Variants in CYB561D1 observed in about 807,000 individuals in gnomAD.
CYB561D1 encodes the protein cytochrome b561 family member D1.
A neutral mutation model predicts 19.2 loss-of-function variants in CYB561D1; 15 were observed. The ratio of observed to expected loss-of-function variants is 0.78; its 90% confidence interval spans 0.52 to 1.20. The LOEUF (loss-of-function observed/expected upper bound fraction) is 1.20, where lower values mean the gene tolerates loss of function less well. CYB561D1 is among the 50% of genes most tolerant of loss of function. CYB561D1 has a pLI of 0.00. For synonymous variants in CYB561D1, 133 were observed against 120.6 expected (o/e 1.10, Z -0.68); for missense variants, 297 against 287.3 (o/e 1.03, Z -0.24).
rs1271282150 is a variant in CYB561D1 at position 109,499,621 on chromosome 1, G to GTGAT, written c.*3364_*3367dup. ...GCCCGCCTCGGCCTCCCAAAGTGCT[G>GTGAT]TGATTACAGGCGTGAGCCACCGTGC... On this transcript the variant is annotated 3_prime_UTR_variant, in exon 3 of 3. Transcript: ENST00000420578. 1 of 152,306 alleles carries GTGAT rather than the reference G, an allele frequency of 6.6e-6. No homozygotes were observed. Among genetic ancestry groups the GTGAT allele is most frequent in the Non-Finnish European group, 1.5e-5 (1 of 68,124 alleles). 9.4% of individuals were successfully genotyped at this position (152,306 alleles called of 1,614,324 possible). A position where few individuals can be genotyped will look rare whatever the true frequency, so the allele number is the denominator to read the frequency against.
chr1:109,494,857 CA>C (rs1235146464), intron 1 of CYB561D1, among the ~76,000 whole-genome samples: 1 of 136,484 alleles, frequency 7.3e-6, no homozygotes, highest in Admixed American at 6.8e-5. Flanking sequence ...CAAAAAACAA[CA>C]ACCAAAAAAA....
chr1:109,494,863 AAAAAAAC>A (rs1171431351), intron 1 of CYB561D1, among the ~76,000 whole-genome samples: 3 of 127,826 alleles, frequency 2.3e-5, no homozygotes, highest in African/African-American at 7.8e-5. Flanking sequence ...ACAACAACCA[AAAAAAAC>A]AAAAAACAAA....
intron 2 of CYB561D1, 55 bp from the exon 3 acceptor site, chr1:109,495,701 T>G: frequency 1.2e-6 from 2 of 1,613,988 alleles, no homozygotes; most frequent in Non-Finnish European, 1.7e-6. Flanking sequence ...CACCTCCTTT[T>G]TCTCAGGCCT....
chr1:109,495,082 C>T (rs2101048960), intron 1 of CYB561D1, 61 bp from the exon 2 acceptor site: 2 of 1,581,388 alleles, frequency 1.3e-6, no homozygotes, highest in Admixed American at 1.7e-5. Context: ...TTGGGTTCCA[C>T]CTAGCTACAG....
chr1:109,499,840 G>A lies in CYB561D1; in HGVS notation c.*3581G>A, dbSNP rs1217151905. 6.6e-6 allele frequency: 1 copy of A among 152,248 alleles called. No individual in the cohort carries two copies. Among genetic ancestry groups the A allele is most frequent in the African/African-American group, 2.4e-5 (1 of 41,438 alleles). The allele number at this position is 152,248 out of a possible 1,614,324, so 9.4% of individuals were successfully genotyped here. ...GCCCTCACCTTCCCCCTCCTTCCTG[G>A]GCTGCAGAGTGTAACAGAATGGGAA... On this transcript the variant is annotated 3_prime_UTR_variant, in exon 3 of 3. Coordinates refer to ENST00000420578, the MANE Select transcript of CYB561D1 (RefSeq NM_182580.3).
chr1:109,494,728 T>C (rs1396900868), intron 1 of CYB561D1: 2 of 530,508 alleles, frequency 3.8e-6, no homozygotes, highest in East Asian at 1.4e-4. Flanking sequence ...TTCCAGCTAC[T>C]TGGGAGGCTG....
rs552922482 is a variant in CYB561D1, at chr1:109,494,301, G to T, written c.148+14G>T. On this transcript the variant is annotated intron_variant, in intron 1 of 2. Coordinates refer to ENST00000420578, the MANE Select transcript of CYB561D1 (RefSeq NM_182580.3). ...GGCCAGGAACCAGTGAGTGTGCGGG[G>T]CGGGGTTGCGGAAGGGGGCGGAGTG... is the stretch of plus-strand genomic sequence containing the variant. 6.4e-7 allele frequency: 1 copy of T among 1,570,468 alleles called. No individual in the cohort carries two copies. The highest frequency in any genetic ancestry group is 8.6e-7 in the Non-Finnish European group (1 of 1,156,190).
chr1:109,499,993 G>A lies in CYB561D1; in HGVS notation c.*3734G>A, dbSNP rs1381225004. On this transcript the variant is annotated 3_prime_UTR_variant, in exon 3 of 3. Transcript: ENST00000420578. ...TTGCACCTGACAAAGGTCAAGATAT[G>A]TAGGGAACACAGTGTATGCTAGGCT... is the stretch of plus-strand genomic sequence containing the variant. The A allele has an allele frequency of 6.6e-6, 1 of 152,276 alleles. No homozygotes were observed. The highest frequency in any genetic ancestry group is 1.5e-5 in the Non-Finnish European group (1 of 68,052). 9.4% of individuals were successfully genotyped at this position (152,276 alleles called of 1,614,324 possible).
Position 109,494,173 on chromosome 1 carries a change from C to A in CYB561D1, c.34C>A (p.Pro12Thr). 6.5e-7 allele frequency: 1 copy of A among 1,548,562 alleles called. No individual in the cohort carries two copies. Among genetic ancestry groups the A allele is most frequent in the South Asian group, 1.2e-5 (1 of 83,638 alleles). Residue 12 changes from proline to threonine, a missense_variant, in exon 1 of 3, where the codon CCA (proline) becomes ACA (threonine). Transcript: ENST00000420578. The stretch of plus-strand genomic sequence containing the variant: ...CCTGGAGGTAGGTCTGGTTCCCGCT[C>A]CAGCTGGGGAGCCGAGACTGACCCG... ...QPLEVGLVPAPAGEPRLTRWL... is the reference protein window; with the variant it reads ...QPLEVGLVPATAGEPRLTRWL...
Position 109,496,351 on chromosome 1 carries a change from AG to A in CYB561D1, c.*94del. On this transcript the variant is annotated 3_prime_UTR_variant, in exon 3 of 3. Coordinates refer to ENST00000420578, the MANE Select transcript of CYB561D1 (RefSeq NM_182580.3). ...TAAGGGATCTATTTAAGAAGTGGTC[AG>A]GTTTTCGCACTTCTTGGCTGGTCCA... 1 of 1,436,382 alleles carries A rather than the reference AG, an allele frequency of 7.0e-7. No individual in the cohort carries two copies. Among genetic ancestry groups the A allele is most frequent in the Non-Finnish European group, 9.3e-7 (1 of 1,069,972 alleles). 89.0% of individuals were successfully genotyped at this position (1,436,382 alleles called of 1,614,324 possible).
At position 109,494,116 on chromosome 1, in the gene CYB561D1, T is replaced by A; in HGVS notation, c.-24T>A. On this transcript the variant is annotated 5_prime_UTR_variant, in exon 1 of 3. Transcript: ENST00000420578. ...GGAAGACGTGTTCGGGCAGCTGGAG[T>A]GTACGGGCCCGCGGGCCACGGCCAT... The A allele has an allele frequency of 6.9e-7, 1 of 1,447,658 alleles. No homozygotes were observed. The highest frequency in any genetic ancestry group is 9.1e-7 in the Non-Finnish European group (1 of 1,094,440). The allele number at this position is 1,447,658 out of a possible 1,614,324, so 89.7% of individuals were successfully genotyped here. A position where few individuals can be genotyped will look rare whatever the true frequency, so the allele number is the denominator to read the frequency against.
At position 109,495,806 on chromosome 1, in the gene CYB561D1, CCT is replaced by C. The variant is rs755150494; in HGVS notation, c.238_239del (p.Leu80ValfsTer39). 1.9e-6 allele frequency: 3 copies of C among 1,614,010 alleles called. No individual in the cohort carries two copies. The highest frequency in any genetic ancestry group is 3.3e-5 in the Admixed American group (2 of 60,012). On this transcript the variant is annotated frameshift_variant, in exon 3 of 3. Coordinates refer to ENST00000420578, the MANE Select transcript of CYB561D1 (RefSeq NM_182580.3). LOFTEE classifies it high-confidence loss of function. The part of the protein sequence containing the change: ...AILLFSPEHS[L>X]FFFCSRKARI... ...TCCTACTCTTCTCACCTGAACACTC[CCT>C]GTTCTTCTTCTGCTCCCGAAAAGCA...
Position 109,496,395 on chromosome 1 carries a change from A to G in CYB561D1, c.*136A>G. Reference sequence around the variant, plus strand: ...CTGGTCCAGGGACTGCAGAAACCAAAGCTGCTATTGTTGAGGAATAATTCA... The same window carrying G: ...CTGGTCCAGGGACTGCAGAAACCAAGGCTGCTATTGTTGAGGAATAATTCA... On this transcript the variant is annotated 3_prime_UTR_variant, in exon 3 of 3. Coordinates refer to ENST00000420578, the MANE Select transcript of CYB561D1 (RefSeq NM_182580.3). The G allele has an allele frequency of 1.0e-6, 1 of 970,538 alleles. No homozygotes were observed. The highest frequency in any genetic ancestry group is 1.5e-6 in the Non-Finnish European group (1 of 676,070). The allele number at this position is 970,538 out of a possible 1,614,324, so 60.1% of individuals were successfully genotyped here. A position where few individuals can be genotyped will look rare whatever the true frequency, so the allele number is the denominator to read the frequency against.
Position 109,496,560 on chromosome 1 carries a change from A to T in CYB561D1, c.*301A>T. Reference sequence around the variant, plus strand: ...TGGTCATTTCTTGCTTGTGTGCCTGATGAAAAACTGGGTTCCTGTAAGTTA... The same window carrying T: ...TGGTCATTTCTTGCTTGTGTGCCTGTTGAAAAACTGGGTTCCTGTAAGTTA... On this transcript the variant is annotated 3_prime_UTR_variant, in exon 3 of 3. Coordinates refer to ENST00000420578, the MANE Select transcript of CYB561D1 (RefSeq NM_182580.3). 4.0e-6 allele frequency: 1 copy of T among 250,350 alleles called. No homozygotes were observed. Among genetic ancestry groups the T allele is most frequent in the Non-Finnish European group, 7.6e-6 (1 of 131,004 alleles). The allele number at this position is 250,350 out of a possible 1,614,324, so 15.5% of individuals were successfully genotyped here.
chr1:109,494,185 C>T lies in CYB561D1; in HGVS notation c.46C>T (p.Pro16Ser), dbSNP rs1266246452. ...VGLVPAPAGE[P>S]RLTRWLRRGS... ...TCTGGTTCCCGCTCCAGCTGGGGAG[C>T]CGAGACTGACCCGCTGGCTGCGGAG... Residue 16 changes from proline (P) to serine (S), a missense_variant, in exon 1 of 3, where the codon CCG becomes TCG. Coordinates refer to ENST00000420578, the MANE Select transcript of CYB561D1 (RefSeq NM_182580.3). 2 of 1,553,966 alleles carry T rather than the reference C, an allele frequency of 1.3e-6. No homozygotes were observed. The highest frequency in any genetic ancestry group is 1.9e-5 in the Admixed American group (1 of 51,376).
In CYB561D1 at chr1:109,496,897, G is replaced by A. The variant is rs1031780462; in HGVS notation, c.*638G>A. 1 of 152,668 alleles carries A rather than the reference G, an allele frequency of 6.6e-6. No individual in the cohort carries two copies. The highest frequency in any genetic ancestry group is 2.4e-5 in the African/African-American group (1 of 41,466). 9.5% of individuals were successfully genotyped at this position (152,668 alleles called of 1,614,324 possible). A position where few individuals can be genotyped will look rare whatever the true frequency, so the allele number is the denominator to read the frequency against. ...TACTCTCCCTTTACTACCCTGGAGG[G>A]ACAGCTCTGCCCTTGAGGCCCTTCA... On this transcript the variant is annotated 3_prime_UTR_variant, in exon 3 of 3. Coordinates refer to ENST00000420578, the MANE Select transcript of CYB561D1 (RefSeq NM_182580.3).
rs1657660492 is a variant in CYB561D1, at chr1:109,497,894, C to T, written c.*1635C>T. 6.6e-6 allele frequency: 1 copy of T among 152,226 alleles called. No homozygotes were observed. Among genetic ancestry groups the T allele is most frequent in the Admixed American group, 6.5e-5 (1 of 15,274 alleles). The allele number at this position is 152,226 out of a possible 1,614,324, so 9.4% of individuals were successfully genotyped here. On this transcript the variant is annotated 3_prime_UTR_variant, in exon 3 of 3. Transcript: ENST00000420578. Reference sequence around the variant, plus strand: ...TCTCCACGTAACTCATTATGCCCCTCCTGGGGGAGATTGCATCTCCAGGAC... The same window carrying T: ...TCTCCACGTAACTCATTATGCCCCTTCTGGGGGAGATTGCATCTCCAGGAC...
In CYB561D1 at chr1:109,496,256, G is replaced by A. The variant is rs1159065664; in HGVS notation, c.687G>A (p.Met229Ile). The change falls in exon 3 of 3, where the codon ATG becomes ATA. Residue 229 changes from methionine (M) to isoleucine (I), a missense_variant. Transcript: ENST00000420578. ...RSYLPRKKME[M>I] Reference sequence around the variant, plus strand: ...ACTTGCCGAGGAAGAAAATGGAAATGTGAGTTCCTGCGAACGCTGAATCTA... The same window carrying A: ...ACTTGCCGAGGAAGAAAATGGAAATATGAGTTCCTGCGAACGCTGAATCTA... The A allele has an allele frequency of 6.4e-7, 1 of 1,569,910 alleles. No individual in the cohort carries two copies. The highest frequency in any genetic ancestry group is 1.2e-5 in the South Asian group (1 of 86,488).
Position 109,496,888 on chromosome 1 carries a change from C to T in CYB561D1, c.*629C>T, listed in dbSNP as rs904594277. 6.5e-6 allele frequency: 1 copy of T among 152,674 alleles called. No homozygotes were observed. The highest frequency in any genetic ancestry group is 1.5e-5 in the Non-Finnish European group (1 of 68,064). 9.5% of individuals were successfully genotyped at this position (152,674 alleles called of 1,614,324 possible). A position where few individuals can be genotyped will look rare whatever the true frequency, so the allele number is the denominator to read the frequency against. On this transcript the variant is annotated 3_prime_UTR_variant, in exon 3 of 3. Coordinates refer to ENST00000420578, the MANE Select transcript of CYB561D1 (RefSeq NM_182580.3). ...GTAGTTCTTTACTCTCCCTTTACTA[C>T]CCTGGAGGGACAGCTCTGCCCTTGA...
Sources: gnomAD v4.1 joint callset for allele counts (sites outside exome capture counted in the v4.1 genomes callset) on GRCh38, gnomAD v4.1.1 for gene constraint, MANE v1.5 for transcripts, NCBI Gene and HGNC (gene_info 2026-07-23, HGNC 2026-07-21) for gene names.